Variants in CFAP61 observed in about 807,000 individuals in gnomAD.
CFAP61 encodes cilia- and flagella-associated protein 61.
Under a neutral mutation model 135.6 loss-of-function variants are expected in CFAP61, and 107 were observed. That is an observed-to-expected ratio of 0.79 (90% CI 0.67 to 0.93). The LOEUF (loss-of-function observed/expected upper bound fraction) is 0.93. CFAP61 is among the 40% of genes least tolerant of loss of function. The probability of loss-of-function intolerance (pLI) is 0.00; values close to 1 mark genes in which losing one functional copy is unlikely to be tolerated. For synonymous variants in CFAP61, 575 were observed against 578.5 expected (o/e 0.99, Z 0.09); for missense variants, 1,507 against 1,556.2 (o/e 0.97, Z 0.53).
intron 25 of CFAP61, among the ~76,000 whole-genome samples, chr20:20,306,756 G>C (rs1356039904): frequency 2.0e-5 from 3 of 152,078 alleles, no homozygotes; most frequent in Non-Finnish European, 2.9e-5. Flanking sequence ...GGAAGGCGCT[G>C]GCATTCTCCC....
intron 8 of CFAP61, among the ~76,000 whole-genome samples, chr20:20,129,463 T>G (rs2050335060): frequency 6.6e-6 from 1 of 151,916 alleles, no homozygotes. Flanking sequence ...TGTACTTGCT[T>G]CTTTTCCCTT....
intron 24 of CFAP61, among the ~76,000 whole-genome samples, chr20:20,296,988 C>T (rs1211146958): frequency 6.6e-6 from 1 of 152,092 alleles, no homozygotes; most frequent in Non-Finnish European, 1.5e-5. Flanking sequence ...CATTTCCTCT[C>T]CCTTGAAGCA....
chr20:20,136,207 C>T (rs1477016252), intron 8 of CFAP61, among the ~76,000 whole-genome samples: 3 of 151,890 alleles, frequency 2.0e-5, no homozygotes, highest in Admixed American at 6.6e-5. Context: ...TTAAATGCCT[C>T]GAGGTAGTCT....
chr20:20,265,856 T>A (rs1569214588), intron 21 of CFAP61: 3 of 206,684 alleles, frequency 1.5e-5, no homozygotes, highest in African/African-American at 7.0e-5. Flanking sequence ...TTGTATCTTT[T>A]CTGTAATCCA....
At chr20:20,137,644 C>T (rs1019298390) in intron 8 of CFAP61, among the ~76,000 whole-genome samples, 1 of 152,120 alleles carries the variant, frequency 6.6e-6, no homozygotes, top group African/African-American at 2.4e-5. Context: ...TCCTTCAGGG[C>T]AGTGGGCTCT....
intron 16 of CFAP61, among the ~76,000 whole-genome samples, chr20:20,199,429 A>G (rs563718337): frequency 6.6e-6 from 1 of 152,298 alleles, no homozygotes; most frequent in East Asian, 1.9e-4. Context: ...ACACAGCTTA[A>G]TGGGGTCAGA....
chr20:20,321,984 C>T (rs1303232104), intron 25 of CFAP61, among the ~76,000 whole-genome samples: 1 of 152,146 alleles, frequency 6.6e-6, no homozygotes, highest in Non-Finnish European at 1.5e-5. Flanking sequence ...AATTTCCTGG[C>T]CTGACATATA....
chr20:20,184,538 A>G (rs746654192), intron 13 of CFAP61: 3 of 152,306 alleles, frequency 2.0e-5, no homozygotes, highest in Non-Finnish European at 4.4e-5. Context: ...GGTCAGGGTC[A>G]GGGAGGGCGT....
rs532178185 is a variant in CFAP61, at chr20:20,245,056, C to T, written c.2061-1061C>T. On this transcript the variant is annotated intron_variant, in intron 18 of 26. Coordinates refer to ENST00000245957, the MANE Select transcript of CFAP61 (RefSeq NM_015585.4). The stretch of plus-strand genomic sequence containing the variant: ...AGCCTGGACTTTATTGTCCATATCG[C>T]TATCAGCATTTTGGCCAAAGCCATT... Among the ~76,000 whole-genome samples the T allele has an allele frequency of 8.5e-5, 13 of 152,346 alleles. No individual in the cohort carries two copies. In the South Asian group the frequency reaches 2.5e-3, roughly 29 times the overall value.
At chr20:20,330,586 C>G (rs370919531) in intron 25 of CFAP61, among the ~76,000 whole-genome samples, 1 of 152,162 alleles carries the variant, frequency 6.6e-6, no homozygotes, top group Non-Finnish European at 1.5e-5. Flanking sequence ...ATCCGCCTGC[C>G]TCAGCCACCC....
chr20:20,164,336 C>T (rs944977026), intron 11 of CFAP61, 108 bp downstream of exon 11: 7 of 1,074,972 alleles, frequency 6.5e-6, no homozygotes, highest in Non-Finnish European at 6.6e-6. Flanking sequence ...TGGCCCACAT[C>T]CTAATCTCCT....
chr20:20,305,248 G>A (rs1033423308), intron 25 of CFAP61, among the ~76,000 whole-genome samples: 2 of 152,208 alleles, frequency 1.3e-5, no homozygotes, highest in African/African-American at 4.8e-5. Flanking sequence ...GAACTGTGAG[G>A]CTCCAGAAGT....
chr20:20,312,270 A>G (rs2056877366), intron 25 of CFAP61, among the ~76,000 whole-genome samples: 1 of 152,238 alleles, frequency 6.6e-6, no homozygotes, highest in Non-Finnish European at 1.5e-5. Context: ...TATAACTGTT[A>G]CTATAACTGC....
Position 20,074,012 on chromosome 20 carries a change from C to A in CFAP61, c.295-290C>A, listed in dbSNP as rs1206808635. On this transcript the variant is annotated intron_variant, in intron 3 of 26. Coordinates refer to ENST00000245957, the MANE Select transcript of CFAP61 (RefSeq NM_015585.4). ...ATAATCGATTTCACTCCCCTGCAGG[C>A]TCTCCCGCAGCTCATTCGTGAGGGC... The A allele has an allele frequency of 7.3e-6, 3 of 409,584 alleles. No homozygotes were observed. The Admixed American group carries it at 1.1e-4, about 16-fold the overall frequency. 25.4% of individuals were successfully genotyped at this position (409,584 alleles called of 1,614,324 possible).
rs149650533 is a variant in CFAP61, at chr20:20,336,396, G to T, written c.3423-5435G>T. ...TGCCTGTAATTCTAGCTACTTGGGAGGATTACTTGAGGCTAGGAGTTTGAG... is the reference window on the plus strand; with the variant it reads ...TGCCTGTAATTCTAGCTACTTGGGATGATTACTTGAGGCTAGGAGTTTGAG... On this transcript the variant is annotated intron_variant, in intron 25 of 26. Coordinates refer to ENST00000245957, the MANE Select transcript of CFAP61 (RefSeq NM_015585.4). Among the ~76,000 whole-genome samples, 3 of 152,208 alleles carry T rather than the reference G, an allele frequency of 2.0e-5. No individual in the cohort carries two copies. The East Asian group carries it at 5.8e-4, about 29-fold the overall frequency.
intron 8 of CFAP61, among the ~76,000 whole-genome samples, chr20:20,114,467 T>C (rs527813498): frequency 3.9e-5 from 6 of 152,198 alleles, no homozygotes; most frequent in Non-Finnish European, 5.9e-5. Flanking sequence ...TAATGTTTTA[T>C]AGATTTTTAT....
chr20:20,135,317 C>A (rs2050840541), intron 8 of CFAP61, among the ~76,000 whole-genome samples: 1 of 152,062 alleles, frequency 6.6e-6, no homozygotes, highest in African/African-American at 2.4e-5. Flanking sequence ...GAATAAATTC[C>A]TGTTGTTTTA....
chr20:20,178,835 C>G (rs549453521), intron 13 of CFAP61, among the ~76,000 whole-genome samples: 1 of 152,036 alleles, frequency 6.6e-6, no homozygotes, highest in Non-Finnish European at 1.5e-5. Context: ...GAACAGAACC[C>G]GATAGAAACT....
chr20:20,081,045 A>G (rs1307477930), intron 6 of CFAP61, among the ~76,000 whole-genome samples: 1 of 152,074 alleles, frequency 6.6e-6, no homozygotes, highest in Non-Finnish European at 1.5e-5. Flanking sequence ...AGACCAAAAT[A>G]GTATTTTGTT....
Sources: gnomAD v4.1 joint callset for allele counts (sites outside exome capture counted in the v4.1 genomes callset) on GRCh38, gnomAD v4.1.1 for gene constraint, MANE v1.5 for transcripts, NCBI Gene and HGNC (gene_info 2026-07-23, HGNC 2026-07-21) for gene names.